Variants in CDC42BPA observed in about 807,000 individuals in gnomAD.
CDC42BPA encodes serine/threonine-protein kinase MRCK alpha.
In CDC42BPA, 80 loss-of-function variants were observed where a neutral mutation model predicts 223.5. The observed-to-expected ratio is 0.36, with a 90% CI of 0.30 to 0.43. The LOEUF is 0.43. CDC42BPA is among the 20% of genes least tolerant of loss of function. The pLI is 1.00. For synonymous variants in CDC42BPA, 694 were observed against 718.6 expected, an observed-to-expected ratio of 0.97 and a Z score of 0.55; for missense variants, 1,743 against 2,099.9, an observed-to-expected ratio of 0.83 and a Z score of 3.32.
At chr1:227,034,572 A>C in intron 26 of CDC42BPA, 83 bp downstream of exon 26, 5 of 1,282,934 alleles carry the variant, frequency 3.9e-6, no homozygotes, top group Non-Finnish European at 5.4e-6. Flanking sequence ...TAAATAAACC[A>C]TGGCAACACA....
intron 1 of CDC42BPA, among the ~76,000 whole-genome samples, chr1:227,293,949 C>T (rs959819002): frequency 6.6e-6 from 1 of 152,030 alleles, no homozygotes; most frequent in African/African-American, 2.4e-5. Context: ...ATTTGTAACA[C>T]CAAATAAATG....
At position 226,994,769 on chromosome 1, in the gene CDC42BPA, G is replaced by C. The variant is rs1448955870; in HGVS notation, c.5133+54C>G. 1 of 1,524,130 alleles carries C rather than the reference G, an allele frequency of 6.6e-7. No individual in the cohort carries two copies. The highest frequency in any genetic ancestry group is 2.3e-5 in the East Asian group (1 of 43,452). The allele number at this position is 1,524,130 out of a possible 1,614,324, so 94.4% of individuals were successfully genotyped here. The stretch of plus-strand genomic sequence containing the variant: ...ATCCCAAGGTGGTGGGATTGCCTGG[G>C]AAGATGCCCTAGTCTTTCTGATACA... On this transcript the variant is annotated intron_variant, in intron 36 of 36. Coordinates refer to ENST00000366766, the MANE Select transcript of CDC42BPA (RefSeq NM_001394014.1). The surrounding 1 kb of genome is among the most constrained non-coding windows in gnomAD (Gnocchi z 4.0).
chr1:227,033,309 A>T, intron 27 of CDC42BPA, 25 bp downstream of exon 27: 1 of 1,478,224 alleles, frequency 6.8e-7, no homozygotes. Flanking sequence ...TAATTCAGTG[A>T]TCAAATTACA....
At chr1:227,155,119 A>C (rs765162885) in intron 6 of CDC42BPA, among the ~76,000 whole-genome samples, 44 of 152,184 alleles carry the variant, frequency 2.9e-4, no homozygotes, top group Admixed American at 5.2e-4. Context: ...CTGTCCAGAT[A>C]ATAAATAATG....
chr1:227,188,196 C>G (rs535527754), intron 5 of CDC42BPA, among the ~76,000 whole-genome samples: 2 of 152,136 alleles, frequency 1.3e-5, no homozygotes, highest in Admixed American at 1.3e-4. Flanking sequence ...TGAATTATTA[C>G]TTATGCATGA....
At chr1:227,024,559 A>G (rs938194108) in intron 31 of CDC42BPA, among the ~76,000 whole-genome samples, 1 of 152,246 alleles carries the variant, frequency 6.6e-6, no homozygotes, top group African/African-American at 2.4e-5. Flanking sequence ...GTCAGGGAAC[A>G]GACAGTAGTG....
intron 27 of CDC42BPA, among the ~76,000 whole-genome samples, chr1:227,031,984 T>C (rs7553870): frequency 0.83 from 126,495 of 152,110 alleles, 52,634 homozygotes; most frequent in East Asian, 0.88. Context: ...TCCAAGGACA[T>C]ACAACTACAA....
At chr1:227,196,338 C>CTTTTTTTTTTTTTTTTCTTTTTTTTT (rs1553388919) in intron 4 of CDC42BPA, among the ~76,000 whole-genome samples, 2 of 92,352 alleles carry the variant, frequency 2.2e-5, no homozygotes, top group Admixed American at 1.4e-4. Flanking sequence ...TTAAACAATA[C>CTTTTTTTTTTTTTTTTCTTTTTTTTT]TTTTTTTTTT....
intron 2 of CDC42BPA, among the ~76,000 whole-genome samples, chr1:227,242,028 T>C (rs959272036): frequency 6.6e-6 from 1 of 152,132 alleles, no homozygotes; most frequent in Non-Finnish European, 1.5e-5. Flanking sequence ...ATCTGTCTCA[T>C]GCACATAAAC....
chr1:227,112,748 C>G lies in CDC42BPA; in HGVS notation c.1813G>C (p.Glu605Gln), dbSNP rs1687139948. The G allele has an allele frequency of 1.3e-5, 21 of 1,614,110 alleles. No individual in the cohort carries two copies. The highest frequency in any genetic ancestry group is 1.8e-5 in the Non-Finnish European group (21 of 1,179,998). ...KLARHVRDKE[E>Q]EVDLVMQKVE... The stretch of plus-strand genomic sequence containing the variant: ...TTTTGCATCACCAGGTCCACCTCTT[C>G]TTCCTTATCTCGGACATGGCGAGCA... Residue 605 changes from glutamate to glutamine, a missense_variant, in exon 13 of 37, where the codon GAA becomes CAA. Physicochemically the swap from Glu to Gln is conservative, Grantham distance 29. Around this residue, in one of 6 missense-constraint regions of CDC42BPA, gnomAD observed 464 missense variants for 488.0 expected, o/e 0.95. Transcript: ENST00000366766.
At chr1:227,303,819 T>TA (rs1481647757) in intron 1 of CDC42BPA, among the ~76,000 whole-genome samples, 2 of 152,170 alleles carry the variant, frequency 1.3e-5, no homozygotes, top group African/African-American at 2.4e-5. Flanking sequence ...TATGACTCTT[T>TA]AAAAAAATTA....
chr1:227,105,519 A>G (rs1685769963), intron 14 of CDC42BPA, among the ~76,000 whole-genome samples: 1 of 151,586 alleles, frequency 6.6e-6, no homozygotes, highest in Admixed American at 6.6e-5. Context: ...ATGCCCAGCT[A>G]ATTTCTTAAT....
chr1:227,084,541 A>T (rs900966110), intron 16 of CDC42BPA, among the ~76,000 whole-genome samples: 1 of 151,686 alleles, frequency 6.6e-6, no homozygotes, highest in Admixed American at 6.6e-5. Flanking sequence ...AAAAAAAAAA[A>T]AAAATTTTTT....
chr1:227,202,675 C>T (rs112787569), intron 3 of CDC42BPA, among the ~76,000 whole-genome samples: 23 of 149,450 alleles, frequency 1.5e-4, no homozygotes, highest in Middle Eastern at 3.5e-3. Context: ...CAGTCCCACG[C>T]TTTGGGAAGT....
At chr1:227,056,105 T>C (rs771993252) in intron 21 of CDC42BPA, among the ~76,000 whole-genome samples, 1 of 152,106 alleles carries the variant, frequency 6.6e-6, no homozygotes, top group Non-Finnish European at 1.5e-5. Flanking sequence ...TATCAAGAAT[T>C]CCTCAAATTA....
chr1:227,084,974 T>A (rs932562471), intron 16 of CDC42BPA, among the ~76,000 whole-genome samples: 3 of 152,184 alleles, frequency 2.0e-5, no homozygotes, highest in Non-Finnish European at 4.4e-5. Context: ...GAACATCAGC[T>A]GTGACATCAG....
intron 1 of CDC42BPA, among the ~76,000 whole-genome samples, chr1:227,258,267 T>G (rs1453105250): frequency 3.3e-5 from 5 of 150,428 alleles, no homozygotes; most frequent in African/African-American, 1.3e-4. Flanking sequence ...AAAGCAGTTT[T>G]GATTTCTACT....
intron 28 of CDC42BPA, among the ~76,000 whole-genome samples, chr1:227,031,008 A>C (rs1669175787): frequency 6.6e-6 from 1 of 152,184 alleles, no homozygotes; most frequent in Non-Finnish European, 1.5e-5. Context: ...AACTCTAAGA[A>C]ACTAACTTGT....
chr1:227,172,156 G>A (rs757833663), intron 5 of CDC42BPA, among the ~76,000 whole-genome samples: 3 of 152,074 alleles, frequency 2.0e-5, no homozygotes, highest in Non-Finnish European at 2.9e-5. Flanking sequence ...AGTCCACACT[G>A]GTAAAATTAC....
Sources: allele counts gnomAD v4.1 joint callset (sites outside exome capture counted in the v4.1 genomes callset), GRCh38; gene constraint gnomAD v4.1.1; regional missense constraint gnomAD v4.1.1; non-coding constraint Gnocchi (gnomAD v3.1); transcripts MANE v1.5; gene names NCBI Gene and HGNC (gene_info 2026-07-23, HGNC 2026-07-21).